Variants in P4HB observed in about 807,000 individuals in gnomAD.
P4HB encodes the protein protein disulfide-isomerase.
P4HB carries 20 observed loss-of-function variants against 52.6 expected under a neutral mutation model. That is an observed-to-expected ratio of 0.38 (90% confidence interval 0.27 to 0.55). The LOEUF (loss-of-function observed/expected upper bound fraction) is 0.55, where lower values mean the gene tolerates loss of function less well. Among genes scored for constraint, P4HB ranks in the 20% least tolerant of loss-of-function variants. P4HB has a pLI of 0.74. For missense variants in P4HB, 601 were observed against 669.2 expected (o/e 0.90, Z 1.12); for synonymous variants, 296 against 277.9 (o/e 1.07, Z -0.65).
In P4HB at chr17:81,843,687, G is replaced by A. The variant is rs181783040; in HGVS notation, c.*325C>T. 11 of 431,534 alleles carry A rather than the reference G, an allele frequency of 2.5e-5. No homozygotes were observed. The highest frequency in any genetic ancestry group is 6.9e-5 in the South Asian group (1 of 14,458). 26.7% of individuals were successfully genotyped at this position (431,534 alleles called of 1,614,324 possible). ...TTTTCAAAAAGAGGAGAAACCTCCCGCGGGAGGGAGGCAGCGAGACTCCGA... is the reference window on the plus strand; with the variant it reads ...TTTTCAAAAAGAGGAGAAACCTCCCACGGGAGGGAGGCAGCGAGACTCCGA... On this transcript the variant is annotated 3_prime_UTR_variant, in exon 11 of 11. Coordinates refer to ENST00000331483, the MANE Select transcript of P4HB (RefSeq NM_000918.4).
At chr17:81,853,012 C>T (rs1020046762) in intron 4 of P4HB, among the ~76,000 whole-genome samples, 4 of 152,218 alleles carry the variant, frequency 2.6e-5, no homozygotes, top group African/African-American at 7.2e-5. Context: ...TTTTTCTAGT[C>T]AGAGGTTTAA....
At chr17:81,851,372 G>A (rs986794438) in intron 4 of P4HB, among the ~76,000 whole-genome samples, 3 of 152,252 alleles carry the variant, frequency 2.0e-5, no homozygotes, top group African/African-American at 4.8e-5. Flanking sequence ...GGCCACCCTG[G>A]CCTGGCCTGA....
At chr17:81,850,576 T>G (rs879450687) in intron 4 of P4HB, among the ~76,000 whole-genome samples, 23 of 152,082 alleles carry the variant, frequency 1.5e-4, no homozygotes, top group Non-Finnish European at 3.1e-4. Flanking sequence ...CTCCGCCTCT[T>G]GGGTTCAAGT....
At position 81,847,226 on chromosome 17, in the gene P4HB, C is replaced by T; in HGVS notation, c.729+17G>A. 1.9e-6 allele frequency: 3 copies of T among 1,611,484 alleles called. No individual in the cohort carries two copies. The highest frequency in any genetic ancestry group is 2.5e-6 in the Non-Finnish European group (3 of 1,177,658). On this transcript the variant is annotated intron_variant, in intron 5 of 10. Transcript: ENST00000331483. ...CTCCTCCCCATCCCCAGCCTGGGGG[C>T]TGCAGGGCAGCCGCACCTGCTCGGT...
intron 9 of P4HB, 109 bp downstream of exon 9, chr17:81,845,452 T>C: frequency 8.8e-7 from 1 of 1,132,220 alleles, no homozygotes; most frequent in East Asian, 2.6e-5. Flanking sequence ...CCACAGCTCT[T>C]CTCCCACCTG....
chr17:81,846,036 G>T lies in P4HB; in HGVS notation c.1057-45C>A. On this transcript the variant is annotated intron_variant, in intron 7 of 10. Transcript: ENST00000331483. This position sits in a 1 kb window ranked among gnomAD's most constrained non-coding sequence, Gnocchi z 5.7. The stretch of plus-strand genomic sequence containing the variant: ...CGGTGAGGGGCGGCGATGCCTGGGG[G>T]ACCACAGAGCTCCCCAACCCTCACC... The T allele has an allele frequency of 1.9e-6, 3 of 1,553,906 alleles. No individual in the cohort carries two copies. Among genetic ancestry groups the T allele is most frequent in the Admixed American group, 1.9e-5 (1 of 51,492 alleles).
chr17:81,843,610 G>A lies in P4HB; in HGVS notation c.*402C>T, dbSNP rs2038686415. The A allele has an allele frequency of 4.4e-6, 2 of 457,994 alleles. No homozygotes were observed. The highest frequency in any genetic ancestry group is 7.7e-6 in the Non-Finnish European group (2 of 261,038). The allele number at this position is 457,994 out of a possible 1,614,324, so 28.4% of individuals were successfully genotyped here. A position where few individuals can be genotyped will look rare whatever the true frequency, so the allele number is the denominator to read the frequency against. ...GCTTCTCCGAGGAGGCCTGGCCAAG[G>A]TGGAACAAATACCCTGATGTCGAAA... On this transcript the variant is annotated 3_prime_UTR_variant, in exon 11 of 11. Transcript: ENST00000331483.
chr17:81,850,591 C>T (rs1384351826), intron 4 of P4HB, among the ~76,000 whole-genome samples: 2 of 152,072 alleles, frequency 1.3e-5, no homozygotes, highest in Non-Finnish European at 2.9e-5. Flanking sequence ...TCAAGTAATT[C>T]TCCTGCCTCA....
chr17:81,859,613 C>T, intron 1 of P4HB: 1 of 569,386 alleles, frequency 1.8e-6, no homozygotes, highest in Non-Finnish European at 3.1e-6. Flanking sequence ...AACACCAGCC[C>T]CCACTCTGCT....
chr17:81,843,390 G>T lies in P4HB; in HGVS notation c.*622C>A. On this transcript the variant is annotated 3_prime_UTR_variant, in exon 11 of 11. Coordinates refer to ENST00000331483, the MANE Select transcript of P4HB (RefSeq NM_000918.4). ...GAGGAGCCCTGGCTTGAGGGAAGGG[G>T]AAGGCCCAGGCCTGTGCCGGGCCCC... 1 of 398,140 alleles carries T rather than the reference G, an allele frequency of 2.5e-6. No homozygotes were observed. The allele number at this position is 398,140 out of a possible 1,614,324, so 24.7% of individuals were successfully genotyped here. A position where few individuals can be genotyped will look rare whatever the true frequency, so the allele number is the denominator to read the frequency against.
Position 81,846,564 on chromosome 17 carries a change from C to T in P4HB, c.921G>A (p.Leu307=), listed in dbSNP as rs368889616. ...DNQRILEFFG[L]KKEECPAVRL... is the part of the protein sequence containing the mutation. Reference sequence around the variant, plus strand: ...GCACGGCCGGGCACTCTTCCTTCTTCAGGCCAAAGAACTCGAGGATGCGCT... The same window carrying T: ...GCACGGCCGGGCACTCTTCCTTCTTTAGGCCAAAGAACTCGAGGATGCGCT... Residue 307 remains leucine, a synonymous_variant, in exon 7 of 11, where the codon CTG becomes CTA. Transcript: ENST00000331483. The surrounding 1 kb of genome is among the most constrained non-coding windows in gnomAD (Gnocchi z 5.7). 6.2e-7 allele frequency: 1 copy of T among 1,614,100 alleles called. No homozygotes were observed. The highest frequency in any genetic ancestry group is 8.5e-7 in the Non-Finnish European group (1 of 1,180,030).
intron 4 of P4HB, among the ~76,000 whole-genome samples, chr17:81,849,045 CAAA>C (rs111762775): frequency 4.3e-5 from 5 of 116,660 alleles, no homozygotes; most frequent in Admixed American, 1.8e-4. Flanking sequence ...GACTCTGTCT[CAAA>C]AAAAAAAAAA....
intron 2 of P4HB, among the ~76,000 whole-genome samples, chr17:81,856,334 CTTTTT>C (rs531626630): frequency 1.5e-5 from 2 of 130,898 alleles, no homozygotes; most frequent in Non-Finnish European, 3.2e-5. Context: ...ACCCAACTAA[CTTTTT>C]TTTTTTTTTT....
At chr17:81,844,971 TG>T (rs2038710251) in intron 10 of P4HB, among the ~76,000 whole-genome samples, 172 bp downstream of exon 10, 1 of 152,266 alleles carries the variant, frequency 6.6e-6, no homozygotes, top group African/African-American at 2.4e-5. Context: ...AGCAGAGCAC[TG>T]GGAGCACATC....
rs1228861837 is a variant in P4HB, at chr17:81,860,354, C to A, written c.118G>T (p.Ala40Ser). The part of the protein sequence containing the change: ...RKSNFAEALA[A>S]HKYLLVEFYA... ...AACTCCACCAGCAGGTACTTGTGGG[C>A]CGCCAGCGCCTCCGCGAAGTTGCTT... Residue 40 changes from alanine to serine, a missense_variant, in exon 1 of 11, where the codon GCC (alanine) becomes TCC (serine). Coordinates refer to ENST00000331483, the MANE Select transcript of P4HB (RefSeq NM_000918.4). 3 of 1,472,628 alleles carry A rather than the reference C, an allele frequency of 2.0e-6. No individual in the cohort carries two copies. The highest frequency in any genetic ancestry group is 2.5e-5 in the Admixed American group (1 of 39,640). The allele number at this position is 1,472,628 out of a possible 1,614,324, so 91.2% of individuals were successfully genotyped here.
chr17:81,852,399 G>A (rs1162098941), intron 4 of P4HB, among the ~76,000 whole-genome samples: 1 of 152,156 alleles, frequency 6.6e-6, no homozygotes, highest in Non-Finnish European at 1.5e-5. Context: ...GCACACACAG[G>A]AAGGCCTCAC....
In P4HB at chr17:81,855,190, C is replaced by A; in HGVS notation, c.576G>T (p.Val192=). The change falls in exon 4 of 11, where the codon GTG becomes GTT. Residue 192 remains valine (V), a synonymous_variant. Coordinates refer to ENST00000331483, the MANE Select transcript of P4HB (RefSeq NM_000918.4). The surrounding 1 kb of genome is among the most constrained non-coding windows in gnomAD (Gnocchi z 4.3). ...IPFGITSNSD[V]FSKYQLDKDG... is the part of the protein sequence containing the mutation. Reference sequence around the variant, plus strand: ...CTTTGTCGAGCTGGTATTTGGAGAACACGTCACTGTTGGAAGTGATCCCAA... The same window carrying A: ...CTTTGTCGAGCTGGTATTTGGAGAAAACGTCACTGTTGGAAGTGATCCCAA... 6.2e-7 allele frequency: 1 copy of A among 1,614,056 alleles called. No individual in the cohort carries two copies. Among genetic ancestry groups the A allele is most frequent in the Non-Finnish European group, 8.5e-7 (1 of 1,179,986 alleles).
chr17:81,851,860 G>A (rs565759037), intron 4 of P4HB, among the ~76,000 whole-genome samples: 2 of 152,338 alleles, frequency 1.3e-5, no homozygotes, highest in South Asian at 4.1e-4. Context: ...GGCCAGCCCT[G>A]CCAGGCCACG....
In P4HB at chr17:81,847,331, T is replaced by C. The variant is rs765298379; in HGVS notation, c.641A>G (p.Asn214Ser). The change falls in exon 5 of 11, where the codon AAC becomes AGC. Residue 214 changes from asparagine to serine, a missense_variant. Transcript: ENST00000331483. ...VLFKKFDEGR[N>S]NFEGEVTKEN... ...CTTGGTGACCTCCCCTTCAAAGTTGTTCCGGCCTTCATCAAACTGTGGACA... is the reference window on the plus strand; with the variant it reads ...CTTGGTGACCTCCCCTTCAAAGTTGCTCCGGCCTTCATCAAACTGTGGACA... 2.5e-6 allele frequency: 4 copies of C among 1,614,054 alleles called. No homozygotes were observed. Among genetic ancestry groups the C allele is most frequent in the South Asian group, 2.2e-5 (2 of 91,090 alleles).
Sources: gnomAD v4.1 joint callset for allele counts (sites outside exome capture counted in the v4.1 genomes callset) on GRCh38, gnomAD v4.1.1 for gene constraint, Gnocchi (gnomAD v3.1) non-coding constraint, MANE v1.5 for transcripts, NCBI Gene and HGNC (gene_info 2026-07-23, HGNC 2026-07-21) for gene names.